ULK4: variants seen among roughly 807,000 people sequenced by gnomAD.
ULK4 encodes unc-51 like kinase 4, also known as inactive serine/threonine-protein kinase ULK4.
In ULK4, 133 loss-of-function variants were observed where a neutral mutation model predicts 160.6. The observed-to-expected ratio is 0.83, with a 90% confidence interval of 0.72 to 0.96. The LOEUF (loss-of-function observed/expected upper bound fraction) is 0.96, where lower values mean the gene tolerates loss of function less well. Among genes scored for constraint, ULK4 ranks in the 40% least tolerant of loss-of-function variants. The pLI is 0.00. For missense variants in ULK4, 1,580 were observed against 1,499.5 expected, an observed-to-expected ratio of 1.05 and a Z score of -0.89; for synonymous variants, 534 against 539.8, an observed-to-expected ratio of 0.99 and a Z score of 0.15.
At chr3:41,717,915 T>C in intron 22 of ULK4, 54 bp from the exon 23 acceptor site, 1 of 1,564,120 alleles carries the variant, frequency 6.4e-7, no homozygotes, top group Non-Finnish European at 8.7e-7. Flanking sequence ...CTTGATAGCA[T>C]CTATCCAAAA....
chr3:41,548,609 C>A (rs1221562821), intron 32 of ULK4, among the ~76,000 whole-genome samples: 2 of 152,108 alleles, frequency 1.3e-5, no homozygotes, highest in Admixed American at 1.3e-4. Context: ...TGGCTCGCCA[C>A]CACAATGCCA....
chr3:41,670,211 C>G (rs1324478056), intron 29 of ULK4, among the ~76,000 whole-genome samples: 1 of 152,146 alleles, frequency 6.6e-6, no homozygotes, highest in Non-Finnish European at 1.5e-5. Flanking sequence ...AGCAAGGACA[C>G]TGAGGTAAAA....
At chr3:41,362,840 T>C (rs952772397) in intron 35 of ULK4, among the ~76,000 whole-genome samples, 6 of 152,210 alleles carry the variant, frequency 3.9e-5, no homozygotes, top group Non-Finnish European at 8.8e-5. Context: ...GGATAAGCAC[T>C]TAGCAACAGA....
At chr3:41,771,529 G>C (rs2039373915) in intron 21 of ULK4, among the ~76,000 whole-genome samples, 1 of 152,038 alleles carries the variant, frequency 6.6e-6, no homozygotes, top group South Asian at 2.1e-4. Flanking sequence ...TTTGAAATAA[G>C]AACTTACCCT....
At chr3:41,910,654 CTCT>C (rs1698749296) in intron 11 of ULK4, among the ~76,000 whole-genome samples, 1 of 151,924 alleles carries the variant, frequency 6.6e-6, no homozygotes. Flanking sequence ...AAAACAGAAC[CTCT>C]TCTTTTCTGT....
intron 35 of ULK4, among the ~76,000 whole-genome samples, chr3:41,361,785 T>C (rs764505644): frequency 6.6e-6 from 1 of 152,228 alleles, no homozygotes; most frequent in Non-Finnish European, 1.5e-5. Context: ...TGAATTTTCA[T>C]TCAATGCAAG....
At chr3:41,640,303 G>C (rs1203399636) in intron 30 of ULK4, among the ~76,000 whole-genome samples, 1 of 152,118 alleles carries the variant, frequency 6.6e-6, no homozygotes, top group Non-Finnish European at 1.5e-5. Flanking sequence ...AAAATGACTG[G>C]TGAATTGAGA....
intron 34 of ULK4, among the ~76,000 whole-genome samples, chr3:41,434,307 A>C (rs1309027046): frequency 6.6e-6 from 1 of 152,222 alleles, no homozygotes; most frequent in East Asian, 1.9e-4. Flanking sequence ...GGAATACTCA[A>C]AGTGTATTTA....
intron 34 of ULK4, among the ~76,000 whole-genome samples, chr3:41,412,553 ATTTTTTTTT>A (rs57224854): frequency 6.0e-5 from 6 of 100,454 alleles, no homozygotes; most frequent in African/African-American, 1.7e-4. Context: ...ATGCAGTTGA[ATTTTTTTTT>A]TTTTTTTTTT....
At chr3:41,363,050 A>T (rs1361272815) in intron 35 of ULK4, among the ~76,000 whole-genome samples, 2 of 152,234 alleles carry the variant, frequency 1.3e-5, no homozygotes, top group East Asian at 3.8e-4. Context: ...GGAGACCTGC[A>T]ACTTTGCAGT....
chr3:41,831,531 A>ATATATATATATATTTTTTTTTTTTTTTTT, intron 18 of ULK4, among the ~76,000 whole-genome samples: 4 of 138,060 alleles, frequency 2.9e-5, no homozygotes, highest in African/African-American at 1.1e-4. Context: ...ATATATATAT[A>ATATATATATATATTTTTTTTTTTTTTTTT]TTTTTTTTTC....
At chr3:41,460,446 C>A (rs12495289) in intron 33 of ULK4, among the ~76,000 whole-genome samples, 80,574 of 151,562 alleles carry the variant, frequency 0.53, 21,569 homozygotes, top group East Asian at 0.66. Context: ...AATAAGATGA[C>A]GACTTGCTTC....
At chr3:41,809,285 T>C (rs116718504) in intron 19 of ULK4, among the ~76,000 whole-genome samples, 4,402 of 152,180 alleles carry the variant, frequency 0.029, 221 homozygotes, top group African/African-American at 0.1. Flanking sequence ...TTTCAGAGGA[T>C]AGGGTTGTCC....
At chr3:41,279,255 T>TAAAAAGAAAAAAA (rs2079296692) in intron 35 of ULK4, among the ~76,000 whole-genome samples, 2 of 43,058 alleles carry the variant, frequency 4.6e-5, no homozygotes, top group African/African-American at 2.5e-4. Context: ...AAAAAAAGAG[T>TAAAAAGAAAAAAA]AAAAAAAAAA....
At chr3:41,827,112 G>A (rs1486250460) in intron 18 of ULK4, among the ~76,000 whole-genome samples, 2 of 146,718 alleles carry the variant, frequency 1.4e-5, no homozygotes, top group East Asian at 2.0e-4. Context: ...TGAAACCAAC[G>A]AGAACAAAGA....
rs900632849 is a variant in ULK4, at chr3:41,749,782, C to CTAA, written c.2321+4578_2321+4579insTTA. Reference sequence around the variant, plus strand: ...GTGAGCCTAAGCTAATCAAGTGAGACATTTAAAACTCATTTTCTCTGACTG... The same window carrying CTAA: ...GTGAGCCTAAGCTAATCAAGTGAGACTAAATTTAAAACTCATTTTCTCTGACTG... On this transcript the variant is annotated intron_variant, in intron 22 of 36. Transcript: ENST00000301831. 1.2e-4 allele frequency among the ~76,000 whole-genome samples: 19 copies of CTAA among 152,128 alleles called. No homozygotes were observed. The East Asian group carries it at 3.7e-3, about 29-fold the overall frequency.
intron 27 of ULK4, among the ~76,000 whole-genome samples, chr3:41,697,037 C>T (rs1205247184): frequency 6.6e-6 from 1 of 152,168 alleles, no homozygotes; most frequent in Non-Finnish European, 1.5e-5. Context: ...AGCCCCAAAA[C>T]TCATTTTAAG....
intron 31 of ULK4, among the ~76,000 whole-genome samples, chr3:41,599,945 T>C (rs2031956740): frequency 6.6e-6 from 1 of 152,206 alleles, no homozygotes; most frequent in Non-Finnish European, 1.5e-5. Flanking sequence ...TTACTGAATA[T>C]TGCTTAATAT....
chr3:41,951,144 C>CAAAAAAAAAAAAAAAAAAA (rs34524276), intron 2 of ULK4, among the ~76,000 whole-genome samples: 1 of 64,658 alleles, frequency 1.5e-5, no homozygotes, highest in Non-Finnish European at 2.5e-5. Flanking sequence ...GGCTTCGTCT[C>CAAAAAAAAAAAAAAAAAAA]AAAAAAAAAA....
Sources: allele counts gnomAD v4.1 joint callset (sites outside exome capture counted in the v4.1 genomes callset), GRCh38; gene constraint gnomAD v4.1.1; transcripts MANE v1.5; gene names NCBI Gene and HGNC (gene_info 2026-07-23, HGNC 2026-07-21).